The following RERE variants were observed in gnomAD, a reference collection of about 807,000 sequenced individuals.
The protein encoded by RERE is arginine-glutamic acid dipeptide repeats, also known as arginine-glutamic acid dipeptide repeats protein.
A neutral mutation model predicts 146.1 loss-of-function variants in RERE; 40 were observed. The ratio of observed to expected loss-of-function variants is 0.27; its 90% CI spans 0.21 to 0.36. RERE has a LOEUF of 0.36. RERE is among the 10% of genes least tolerant of loss of function. RERE has a pLI of 1.00. For synonymous variants in RERE, 1,003 were observed against 866.0 expected (o/e 1.16, Z -2.78); for missense variants, 1,933 against 2,138.7 (o/e 0.90, Z 1.90).
At chr1:8,732,802 ATTTTTC>A (rs1425811336) in intron 1 of RERE, among the ~76,000 whole-genome samples, 3 of 94,986 alleles carry the variant, frequency 3.2e-5, no homozygotes, top group African/African-American at 8.4e-5. Context: ...CCAATTTTCA[ATTTTTC>A]TTTTTTTTTT....
chr1:8,767,049 T>G (rs1243496698), intron 1 of RERE, among the ~76,000 whole-genome samples: 1 of 152,194 alleles, frequency 6.6e-6, no homozygotes, highest in African/African-American at 2.4e-5. Flanking sequence ...CTAATATGAT[T>G]TATAAACTGA....
At chr1:8,757,598 C>T (rs988815393) in intron 1 of RERE, among the ~76,000 whole-genome samples, 2 of 150,406 alleles carry the variant, frequency 1.3e-5, no homozygotes, top group Non-Finnish European at 3.0e-5. Context: ...TTTCTCAACT[C>T]CTCCCACAGC....
chr1:8,403,397 T>C lies in RERE; in HGVS notation c.1284+19330A>G, dbSNP rs184825827. Among the ~76,000 whole-genome samples, 616 of 152,132 alleles carry C rather than the reference T, an allele frequency of 4.0e-3. 4 individuals carry two copies. The highest frequency in any genetic ancestry group is 6.4e-3 in the Non-Finnish European group (434 of 68,006). ...ATACTGTTTACTTGTCCTTCTTTTT[T>C]ACAAGATCAGCCTTGCTGTATTATA... On this transcript the variant is annotated intron_variant, in intron 12 of 22. Coordinates refer to ENST00000400908, the MANE Select transcript of RERE (RefSeq NM_001042681.2).
At chr1:8,507,147 C>T (rs184902850) in intron 8 of RERE, among the ~76,000 whole-genome samples, 92 of 152,258 alleles carry the variant, frequency 6.0e-4, no homozygotes, top group Non-Finnish European at 2.4e-4. Flanking sequence ...GTGGCACATG[C>T]CTTTAGTCCC....
At chr1:8,596,148 T>A (rs1331828250) in intron 4 of RERE, among the ~76,000 whole-genome samples, 1 of 152,086 alleles carries the variant, frequency 6.6e-6, no homozygotes, top group Non-Finnish European at 1.5e-5. Flanking sequence ...ATACAGAAAA[T>A]AAAACTGAAA....
intron 1 of RERE, among the ~76,000 whole-genome samples, chr1:8,702,701 C>T (rs1168628320): frequency 6.6e-6 from 1 of 152,136 alleles, no homozygotes; most frequent in African/African-American, 2.4e-5. Context: ...GCTTCAAAAG[C>T]ACTTTCCTTT....
rs753386503 is a variant in RERE at position 8,509,434 on chromosome 1, A to ATCCG, written c.831-763_831-760dup. Among the ~76,000 whole-genome samples the ATCCG allele has an allele frequency of 4.5e-3, 516 of 115,820 alleles. 3 individuals are homozygous for ATCCG. Among genetic ancestry groups the ATCCG allele is most frequent in the African/African-American group, 0.013 (497 of 38,602 alleles). 76.0% of individuals were successfully genotyped at this position (115,820 alleles called of 152,430 possible). On this transcript the variant is annotated intron_variant, in intron 7 of 22. Transcript: ENST00000400908. ...CATCCATCCATCCATCCATCCATCC[A>ATCCG]TCCGTCCGTCCGTCCGTCCATCCAA...
intron 1 of RERE, among the ~76,000 whole-genome samples, chr1:8,710,875 C>G (rs1639653418): frequency 6.6e-6 from 1 of 151,984 alleles, no homozygotes; most frequent in Non-Finnish European, 1.5e-5. Context: ...CTGTAAACTA[C>G]TGGGATTACA....
chr1:8,703,326 G>C (rs1379556675), intron 1 of RERE: 1 of 150,906 alleles, frequency 6.6e-6, no homozygotes, highest in African/African-American at 2.4e-5. Context: ...CCTGGCCCGA[G>C]CCTGCTGCCC....
chr1:8,667,348 A>G (rs922789475), intron 1 of RERE, among the ~76,000 whole-genome samples: 1 of 152,202 alleles, frequency 6.6e-6, no homozygotes, highest in Non-Finnish European at 1.5e-5. Context: ...GAGGTTTCCA[A>G]TAAAAATTTA....
At chr1:8,776,188 C>T (rs1641060752) in intron 1 of RERE, among the ~76,000 whole-genome samples, 1 of 152,128 alleles carries the variant, frequency 6.6e-6, no homozygotes, top group Non-Finnish European at 1.5e-5. Context: ...TTTCACAAAC[C>T]ATTTCTTATA....
chr1:8,403,222 T>C (rs1489305513), intron 12 of RERE, among the ~76,000 whole-genome samples: 1 of 151,952 alleles, frequency 6.6e-6, no homozygotes, highest in African/African-American at 2.4e-5. Context: ...TTAATAATTA[T>C]TAGCATATTT....
At chr1:8,398,454 G>A (rs367760397) in intron 12 of RERE, among the ~76,000 whole-genome samples, 3 of 152,188 alleles carry the variant, frequency 2.0e-5, no homozygotes, top group South Asian at 2.1e-4. Flanking sequence ...TCTTCCTGAC[G>A]TGTGTCTTGA....
chr1:8,500,299 TC>T (rs1359885320), intron 8 of RERE, among the ~76,000 whole-genome samples: 1 of 151,406 alleles, frequency 6.6e-6, no homozygotes, highest in African/African-American at 2.4e-5. Context: ...AGGACCAACC[TC>T]CCCCCCATTC....
chr1:8,419,401 C>A (rs1027710135), intron 12 of RERE, among the ~76,000 whole-genome samples: 13 of 152,284 alleles, frequency 8.5e-5, no homozygotes, highest in African/African-American at 3.1e-4. Context: ...TACGTCTATG[C>A]CCACCAGGAA....
intron 1 of RERE, among the ~76,000 whole-genome samples, chr1:8,707,114 G>A (rs567509812): frequency 5.3e-5 from 8 of 151,998 alleles, no homozygotes; most frequent in African/African-American, 1.7e-4. Flanking sequence ...CCAGCTCTCC[G>A]TTTCCATAAC....
chr1:8,429,844 A>G (rs1644071389), intron 11 of RERE: 1 of 152,610 alleles, frequency 6.6e-6, no homozygotes, highest in African/African-American at 2.4e-5. Flanking sequence ...AAAAGCAGGC[A>G]GATCTGCTAG....
intron 3 of RERE, among the ~76,000 whole-genome samples, chr1:8,622,838 AAAAC>A (rs1363869237): frequency 9.9e-5 from 15 of 152,186 alleles, no homozygotes; most frequent in African/African-American, 3.6e-4. Context: ...AAAATGATAA[AAAAC>A]AAAGGAGATG....
chr1:8,779,268 C>A (rs546925718), intron 1 of RERE, among the ~76,000 whole-genome samples: 1 of 151,410 alleles, frequency 6.6e-6, no homozygotes, highest in African/African-American at 2.4e-5. Flanking sequence ...TGGCTCACAC[C>A]TGTAATCCCA....
Sources: allele counts gnomAD v4.1 joint callset (sites outside exome capture counted in the v4.1 genomes callset), GRCh38; gene constraint gnomAD v4.1.1; transcripts MANE v1.5; gene names NCBI Gene and HGNC (gene_info 2026-07-23, HGNC 2026-07-21).